Variants in CYLD observed in about 807,000 individuals in gnomAD.
CYLD encodes ubiquitin carboxyl-terminal hydrolase CYLD.
A neutral mutation model predicts 104.5 loss-of-function variants in CYLD; 26 were observed. That is an observed-to-expected ratio of 0.25 (90% CI 0.18 to 0.35). The LOEUF is 0.35. Among genes scored for constraint, CYLD ranks in the 10% least tolerant of loss-of-function variants. The pLI is 1.00. For synonymous variants in CYLD, 385 were observed against 399.9 expected, an observed-to-expected ratio of 0.96 and a Z score of 0.45; for missense variants, 703 against 1,136.1, an observed-to-expected ratio of 0.62 and a Z score of 5.48.
chr16:50,775,099 A>G (rs559162579), intron 5 of CYLD, 67 bp from the exon 6 acceptor site: 54 of 1,388,750 alleles, frequency 3.9e-5, no homozygotes, highest in South Asian at 3.0e-4. Flanking sequence ...AAATGTAAAA[A>G]TTTTCCTATT....
intron 14 of CYLD, among the ~76,000 whole-genome samples, chr16:50,788,169 A>C (rs913971107): frequency 2.0e-5 from 3 of 152,172 alleles, no homozygotes; most frequent in Non-Finnish European, 4.4e-5. Flanking sequence ...TTTTAAGAAA[A>C]AATATCTCAT....
Position 50,776,249 on chromosome 16 carries a change from A to G in CYLD, c.993A>G (p.Ser331=). The G allele has an allele frequency of 1.2e-6, 2 of 1,613,542 alleles. No individual in the cohort carries two copies. Among genetic ancestry groups the G allele is most frequent in the Middle Eastern group, 1.7e-4 (1 of 6,056 alleles). Reference sequence around the variant, plus strand: ...CAAGAGGTGTTGGGGACAAAGGTTCATCCAGTCATAATAAACCAAAGGCTA... The same window carrying G: ...CAAGAGGTGTTGGGGACAAAGGTTCGTCCAGTCATAATAAACCAAAGGCTA... ...FMSRGVGDKG[S]SSHNKPKATG... is the part of the protein sequence containing the mutation. Residue 331 remains serine, a synonymous_variant, in exon 7 of 19, where the codon TCA becomes TCG. Transcript: ENST00000427738.
At chr16:50,748,054 A>C (rs1966339285) in intron 2 of CYLD, among the ~76,000 whole-genome samples, 1 of 152,214 alleles carries the variant, frequency 6.6e-6, no homozygotes, top group Non-Finnish European at 1.5e-5. Flanking sequence ...TAAGTGATTA[A>C]ATCTAAAATT....
rs1362118784 is a variant in CYLD, at chr16:50,751,895, G to A, written c.796G>A (p.Gly266Ser). ...PGKESLGYFV[G>S]VDMDNPIGNW... ...AAAAGAAAGCTTAGGATATTTTGTT[G>A]GTGTGGACATGGTAAGAAAATTTTG... Residue 266 changes from glycine to serine, a missense_variant, in exon 4 of 19, where the codon GGT becomes AGT. By Grantham distance (56) the Gly-to-Ser change is moderately conservative (BLOSUM62 0). This residue lies in a region of CYLD where 123 missense variants were observed against 213.3 expected (regional missense o/e 0.58). Coordinates refer to ENST00000427738, the MANE Select transcript of CYLD (RefSeq NM_001378743.1). 6.2e-7 allele frequency: 1 copy of A among 1,608,216 alleles called. No homozygotes were observed. The highest frequency in any genetic ancestry group is 8.5e-7 in the Non-Finnish European group (1 of 1,177,132).
chr16:50,762,636 A>T (rs1968078965), intron 5 of CYLD, among the ~76,000 whole-genome samples: 1 of 152,204 alleles, frequency 6.6e-6, no homozygotes, highest in Non-Finnish European at 1.5e-5. Context: ...GAGTTCTGTT[A>T]GGATTTTGGA....
At chr16:50,776,354 C>A in intron 7 of CYLD, 77 bp downstream of exon 7, 1 of 1,036,544 alleles carries the variant, frequency 9.6e-7, no homozygotes, top group Non-Finnish European at 1.5e-6. Context: ...AGATTATAAG[C>A]TATTACTTCT....
At chr16:50,767,045 A>G (rs1318007415) in intron 5 of CYLD, among the ~76,000 whole-genome samples, 1 of 152,238 alleles carries the variant, frequency 6.6e-6, no homozygotes, top group Non-Finnish European at 1.5e-5. Context: ...AAGCAGTATC[A>G]CATGCTACAG....
chr16:50,794,460 A>T lies in CYLD; in HGVS notation c.2686+32A>T, dbSNP rs1971772291. The stretch of plus-strand genomic sequence containing the variant: ...AAAACGCCTTTCTTCTGCATGTGGC[A>T]CAGGGTTCTGGTTTGTAGTGGGACA... On this transcript the variant is annotated intron_variant, in intron 18 of 18. Coordinates refer to ENST00000427738, the MANE Select transcript of CYLD (RefSeq NM_001378743.1). The surrounding 1 kb of genome is among the most constrained non-coding windows in gnomAD (Gnocchi z 4.1). 6.2e-7 allele frequency: 1 copy of T among 1,603,838 alleles called. No homozygotes were observed. The highest frequency in any genetic ancestry group is 1.3e-5 in the African/African-American group (1 of 74,788).
At position 50,755,040 on chromosome 16, in the gene CYLD, T is replaced by C. The variant is rs1388249475; in HGVS notation, c.913+616T>C. On this transcript the variant is annotated intron_variant, in intron 5 of 18. Coordinates refer to ENST00000427738, the MANE Select transcript of CYLD (RefSeq NM_001378743.1). The stretch of plus-strand genomic sequence containing the variant: ...GTATATATACATATATATGTATATA[T>C]ACATATATATGTATATATACATATA... 2.2e-4 allele frequency among the ~76,000 whole-genome samples: 7 copies of C among 31,574 alleles called. 1 individual carries two copies. Among genetic ancestry groups the C allele is most frequent in the South Asian group, 1.3e-3 (2 of 1,508 alleles). 20.7% of individuals were successfully genotyped at this position (31,574 alleles called of 152,430 possible). A position where few individuals can be genotyped will look rare whatever the true frequency, so the allele number is the denominator to read the frequency against.
chr16:50,745,370 T>G (rs1395364432), intron 2 of CYLD, among the ~76,000 whole-genome samples: 1 of 139,274 alleles, frequency 7.2e-6, no homozygotes, highest in Admixed American at 7.0e-5. Context: ...TTGTTTTTTT[T>G]TTTTTTTTTT....
chr16:50,754,473 A>G (rs758675065), intron 5 of CYLD, 49 bp downstream of exon 5: 5 of 1,242,078 alleles, frequency 4.0e-6, no homozygotes, highest in South Asian at 4.0e-5. Context: ...TTATTTTTTA[A>G]TTTTTTATTT....
intron 12 of CYLD, 134 bp downstream of exon 12, chr16:50,784,585 AC>A: frequency 1.0e-6 from 1 of 984,766 alleles, no homozygotes; most frequent in Non-Finnish European, 1.5e-6. Flanking sequence ...GTAAAATATT[AC>A]GTTTTTAAAC....
At chr16:50,793,388 TACTA>T (rs1294760881) in intron 16 of CYLD, among the ~76,000 whole-genome samples, 154 bp from the exon 17 acceptor site, 1 of 152,246 alleles carries the variant, frequency 6.6e-6, no homozygotes, top group Non-Finnish European at 1.5e-5. Flanking sequence ...ATATTTCAAA[TACTA>T]ACTGAGAGCT....
chr16:50,770,056 A>G (rs764382589), intron 5 of CYLD, among the ~76,000 whole-genome samples: 2 of 152,178 alleles, frequency 1.3e-5, no homozygotes, highest in Non-Finnish European at 2.9e-5. Context: ...TTAGCTGTTG[A>G]AGGACATCTG....
chr16:50,792,784 C>A, intron 16 of CYLD, 79 bp downstream of exon 16: 1 of 768,328 alleles, frequency 1.3e-6, no homozygotes. Context: ...GTGGGTTAGA[C>A]TCTAACTGGA....
At chr16:50,780,091 T>A (rs749664338) in intron 9 of CYLD, 47 bp downstream of exon 9, 3 of 1,606,322 alleles carry the variant, frequency 1.9e-6, no homozygotes, top group Non-Finnish European at 2.6e-6. Context: ...TCTGTGAGGT[T>A]TTGTGCAGAT....
intron 5 of CYLD, 143 bp downstream of exon 5, chr16:50,754,567 G>T: frequency 1.5e-6 from 1 of 656,800 alleles, no homozygotes; most frequent in Non-Finnish European, 2.7e-6. Context: ...AGATTTTGGT[G>T]CACCCGTCAC....
At chr16:50,767,992 T>C (rs1216833917) in intron 5 of CYLD, among the ~76,000 whole-genome samples, 1 of 152,192 alleles carries the variant, frequency 6.6e-6, no homozygotes, top group Non-Finnish European at 1.5e-5. Flanking sequence ...TGGTGGAGGA[T>C]TGAGATAATT....
At chr16:50,762,748 C>A (rs1241686167) in intron 5 of CYLD, among the ~76,000 whole-genome samples, 1 of 152,154 alleles carries the variant, frequency 6.6e-6, no homozygotes, top group East Asian at 1.9e-4. Flanking sequence ...TATTTAATTT[C>A]CTTTTGGTAA....
Sources: gnomAD v4.1 joint callset for allele counts (sites outside exome capture counted in the v4.1 genomes callset) on GRCh38, gnomAD v4.1.1 for gene constraint, gnomAD v4.1.1 regional missense constraint, Gnocchi (gnomAD v3.1) non-coding constraint, MANE v1.5 for transcripts, NCBI Gene and HGNC (gene_info 2026-07-23, HGNC 2026-07-21) for gene names.